The following DIP2B variants were observed in gnomAD, a reference collection of about 807,000 sequenced individuals.
DIP2B encodes disco-interacting protein 2 homolog B.
A neutral mutation model predicts 198.0 loss-of-function variants in DIP2B; 76 were observed. The ratio of observed to expected loss-of-function variants is 0.38; its 90% CI spans 0.32 to 0.46. The LOEUF (loss-of-function observed/expected upper bound fraction) is 0.46. Ranked by LOEUF, DIP2B falls within the 20% of genes least tolerant of loss-of-function variation. The probability of loss-of-function intolerance (pLI) is 0.99; values close to 1 mark genes in which losing one functional copy is unlikely to be tolerated. For synonymous variants in DIP2B, 701 were observed against 739.1 expected, an observed-to-expected ratio of 0.95 and a Z score of 0.84; for missense variants, 1,559 against 1,978.4, an observed-to-expected ratio of 0.79 and a Z score of 4.02.
At chr12:50,536,271 GCATA>G (rs55888934) in intron 1 of DIP2B, among the ~76,000 whole-genome samples, 1,643 of 148,072 alleles carry the variant, frequency 0.011, 17 homozygotes, top group Middle Eastern at 0.069. Context: ...CTAAATACGT[GCATA>G]CATACATACA....
intron 3 of DIP2B, among the ~76,000 whole-genome samples, chr12:50,648,115 A>G (rs1938382792): frequency 6.6e-6 from 1 of 152,114 alleles, no homozygotes. Flanking sequence ...CTCCGTCTCA[A>G]AAAAACAAAC....
Position 50,732,409 on chromosome 12 carries a change from T to C in DIP2B, c.3854T>C (p.Val1285Ala). 1 of 1,614,246 alleles carries C rather than the reference T, an allele frequency of 6.2e-7. No individual in the cohort carries two copies. Among genetic ancestry groups the C allele is most frequent in the Non-Finnish European group, 8.5e-7 (1 of 1,180,042 alleles). Residue 1285 changes from valine to alanine, a missense_variant, in exon 32 of 38, where the codon GTG becomes GCG. Transcript: ENST00000301180. The part of the protein sequence containing the change: ...NLSCVRTCVV[V>A]AEERPRVALQ... ...TCCTGCGTCCGGACCTGTGTGGTGG[T>C]GGCGGAGGAGAGGCCCCGCGTTGCA...
At chr12:50,592,078 C>T (rs922386590) in intron 1 of DIP2B, among the ~76,000 whole-genome samples, 9 of 151,828 alleles carry the variant, frequency 5.9e-5, no homozygotes, top group Non-Finnish European at 5.9e-5. Flanking sequence ...GGGGTCTCAC[C>T]GTGTTGACCA....
chr12:50,724,941 G>GA, intron 28 of DIP2B, 55 bp downstream of exon 28: 1 of 1,538,908 alleles, frequency 6.5e-7, no homozygotes, highest in Non-Finnish European at 9.0e-7. Flanking sequence ...CAATACCTGA[G>GA]ATCTCCTCCA....
At chr12:50,713,958 CA>C (rs1227106559) in intron 22 of DIP2B, among the ~76,000 whole-genome samples, 1 of 152,108 alleles carries the variant, frequency 6.6e-6, no homozygotes, top group East Asian at 1.9e-4. Flanking sequence ...TTAAATTAGC[CA>C]GACGCAGTGG....
intron 1 of DIP2B, among the ~76,000 whole-genome samples, chr12:50,526,319 G>C (rs1958164390): frequency 6.6e-6 from 1 of 152,120 alleles, no homozygotes; most frequent in East Asian, 1.9e-4. Context: ...CCTGGCATTT[G>C]GTTTTTAATG....
chr12:50,670,405 T>C (rs1938830603), intron 4 of DIP2B, among the ~76,000 whole-genome samples: 1 of 151,784 alleles, frequency 6.6e-6, no homozygotes, highest in Non-Finnish European at 1.5e-5. Context: ...GTTTGGCACG[T>C]ATGTTTTTTG....
At chr12:50,623,204 C>T (rs750145293) in intron 1 of DIP2B, among the ~76,000 whole-genome samples, 2 of 151,510 alleles carry the variant, frequency 1.3e-5, no homozygotes, top group African/African-American at 2.4e-5. Flanking sequence ...GGCAACAAAG[C>T]GAGATTCTGT....
chr12:50,744,195 T>G (rs1940306169), intron 37 of DIP2B, among the ~76,000 whole-genome samples: 1 of 152,128 alleles, frequency 6.6e-6, no homozygotes, highest in Admixed American at 6.5e-5. Context: ...AGAGGCGGGA[T>G]TTCGCCATGT....
intron 3 of DIP2B, among the ~76,000 whole-genome samples, chr12:50,645,117 C>T (rs1272798341): frequency 6.6e-6 from 1 of 152,116 alleles, no homozygotes; most frequent in Non-Finnish European, 1.5e-5. Context: ...ATTCCAAGGA[C>T]ACTACAATTG....
At chr12:50,734,051 T>C (rs1452666685) in intron 32 of DIP2B, 84 bp from the exon 33 acceptor site, 2 of 1,478,588 alleles carry the variant, frequency 1.4e-6, no homozygotes, top group Non-Finnish European at 1.9e-6. Flanking sequence ...TTTTCATGTA[T>C]ATGGCTAAAT....
chr12:50,736,397 C>T (rs775802158), intron 34 of DIP2B, among the ~76,000 whole-genome samples: 7 of 152,160 alleles, frequency 4.6e-5, no homozygotes, highest in African/African-American at 7.2e-5. Flanking sequence ...ACTTTAGAAA[C>T]CCAAGATAAA....
In DIP2B at chr12:50,634,063, C is replaced by A. The variant is rs576792261; in HGVS notation, c.173-6661C>A. On this transcript the variant is annotated intron_variant, in intron 2 of 37. Transcript: ENST00000301180. ...GAAGATACGGCAGATTCACACCTCC[C>A]ATCTCTTGCTCATTCTGAGCTGTCT... Among the ~76,000 whole-genome samples, 4 of 152,276 alleles carry A rather than the reference C, an allele frequency of 2.6e-5. No individual in the cohort carries two copies. The East Asian group carries it at 7.7e-4, about 29-fold the overall frequency.
At chr12:50,628,331 A>G (rs1937976526) in intron 2 of DIP2B, among the ~76,000 whole-genome samples, 1 of 152,160 alleles carries the variant, frequency 6.6e-6, no homozygotes, top group African/African-American at 2.4e-5. Context: ...AGATCATGCC[A>G]CTGTACTCCA....
chr12:50,695,454 CTGTCCCTTAACAAAT>C, intron 15 of DIP2B, 94 bp downstream of exon 15: 1 of 1,169,714 alleles, frequency 8.5e-7, no homozygotes, highest in Non-Finnish European at 1.3e-6. Flanking sequence ...TTGTATGCCC[CTGTCCCTTAACAAAT>C]TGTAGAGTTT....
At chr12:50,744,366 G>C (rs549955246) in intron 37 of DIP2B, among the ~76,000 whole-genome samples, 1 of 151,612 alleles carries the variant, frequency 6.6e-6, no homozygotes, top group East Asian at 1.9e-4. Context: ...GTGTTCACAG[G>C]GGCAAGATGT....
intron 3 of DIP2B, among the ~76,000 whole-genome samples, chr12:50,653,698 T>C (rs895346758): frequency 3.3e-5 from 5 of 152,094 alleles, no homozygotes; most frequent in African/African-American, 1.2e-4. Context: ...TGTCTCCTCT[T>C]TTATTTCTTA....
At chr12:50,613,156 C>G (rs541025805) in intron 1 of DIP2B, among the ~76,000 whole-genome samples, 1 of 152,358 alleles carries the variant, frequency 6.6e-6, no homozygotes, top group African/African-American at 2.4e-5. Flanking sequence ...GCCAGACCAT[C>G]TGCTTTGAAG....
At chr12:50,686,077 A>T in intron 11 of DIP2B, 121 bp downstream of exon 11, 1 of 1,056,612 alleles carries the variant, frequency 9.5e-7, no homozygotes. Context: ...TCATAGTCTT[A>T]TGAAGTAGGT....
Sources: gnomAD v4.1 joint callset for allele counts (sites outside exome capture counted in the v4.1 genomes callset) on GRCh38, gnomAD v4.1.1 for gene constraint, MANE v1.5 for transcripts, NCBI Gene and HGNC (gene_info 2026-07-23, HGNC 2026-07-21) for gene names.